The following SPOCK1 variants were observed in gnomAD, a reference collection of about 807,000 sequenced individuals.
SPOCK1 encodes the protein SPARC (osteonectin), cwcv and kazal like domains proteoglycan 1.
In SPOCK1, 23 loss-of-function variants were observed where a neutral mutation model predicts 55.3. That is an observed-to-expected ratio of 0.42 (90% CI 0.30 to 0.59). The LOEUF is 0.59. Ranked by LOEUF, SPOCK1 falls within the 20% of genes least tolerant of loss-of-function variation. SPOCK1 has a pLI of 0.22. For missense variants in SPOCK1, 499 were observed against 552.5 expected, an observed-to-expected ratio of 0.90 and a Z score of 0.97; for synonymous variants, 226 against 221.0, an observed-to-expected ratio of 1.02 and a Z score of -0.20.
intron 2 of SPOCK1, among the ~76,000 whole-genome samples, chr5:137,486,316 C>T (rs1754054223): frequency 6.6e-6 from 1 of 152,190 alleles, no homozygotes; most frequent in South Asian, 2.1e-4. Context: ...AGAGACATGG[C>T]CCTGGATCAC....
intron 3 of SPOCK1, among the ~76,000 whole-genome samples, chr5:137,242,233 A>G (rs1370447940): frequency 6.6e-6 from 1 of 151,922 alleles, no homozygotes; most frequent in East Asian, 1.9e-4. Flanking sequence ...CCCAAATCTC[A>G]TCTTGAATTG....
intron 2 of SPOCK1, among the ~76,000 whole-genome samples, chr5:137,466,835 G>C (rs533419807): frequency 6.6e-6 from 1 of 152,324 alleles, no homozygotes; most frequent in African/African-American, 2.4e-5. Context: ...AAAATAGTGA[G>C]CATTAATGAT....
chr5:137,012,828 G>GA lies in SPOCK1; in HGVS notation c.590-20229dup, dbSNP rs532353500. On this transcript the variant is annotated intron_variant, in intron 6 of 10. Coordinates refer to ENST00000394945, the MANE Select transcript of SPOCK1 (RefSeq NM_004598.4). ...TCTTACAACTATAAGGCTTATCATA[G>GA]AAAAAATAACCTAGAAATAATGTCT... 2.4e-4 allele frequency among the ~76,000 whole-genome samples: 37 copies of GA among 152,270 alleles called. No individual in the cohort carries two copies. The South Asian group carries it at 7.3e-3, about 30-fold the overall frequency.
At chr5:136,992,141 G>C (rs1750960176) in intron 7 of SPOCK1, among the ~76,000 whole-genome samples, 1 of 152,172 alleles carries the variant, frequency 6.6e-6, no homozygotes, top group Admixed American at 6.5e-5. Context: ...AACATGAAAA[G>C]ATAGTCACAT....
At chr5:137,403,892 GT>G (rs1051111308) in intron 2 of SPOCK1, among the ~76,000 whole-genome samples, 16 of 152,278 alleles carry the variant, frequency 1.1e-4, no homozygotes, top group Admixed American at 1.0e-3. Context: ...CCATAGCAAG[GT>G]TTGGAGCAGA....
intron 2 of SPOCK1, among the ~76,000 whole-genome samples, chr5:137,409,593 C>A (rs904707676): frequency 2.6e-5 from 4 of 152,152 alleles, no homozygotes; most frequent in African/African-American, 7.2e-5. Flanking sequence ...ATAAAATTAG[C>A]CTTAGCAGCA....
intron 3 of SPOCK1, 79 bp from the exon 4 acceptor site, chr5:137,140,773 T>TTC: frequency 1.1e-6 from 1 of 873,228 alleles, no homozygotes; most frequent in African/African-American, 2.3e-5. Flanking sequence ...TTTTTTTTTT[T>TTC]GTTGAGACGG....
chr5:137,356,838 T>TAGAGAGAGAGAGAGGGAGAGAGAG (rs1750825317), intron 2 of SPOCK1, among the ~76,000 whole-genome samples: 2 of 5,460 alleles, frequency 3.7e-4, no homozygotes, highest in African/African-American at 1.7e-3. Flanking sequence ...TATATATATA[T>TAGAGAGAGAGAGAGGGAGAGAGAG]AGAGAGAGAG....
chr5:137,382,418 C>G (rs1222988598), intron 2 of SPOCK1, among the ~76,000 whole-genome samples: 2 of 152,214 alleles, frequency 1.3e-5, no homozygotes, highest in Non-Finnish European at 2.9e-5. Context: ...GCCCCACTCT[C>G]CTGGTACCAA....
intron 6 of SPOCK1, among the ~76,000 whole-genome samples, chr5:137,043,910 G>A (rs568194954): frequency 1.3e-5 from 2 of 152,316 alleles, no homozygotes; most frequent in African/African-American, 2.4e-5. Flanking sequence ...TGATTATAAT[G>A]TATTGATATT....
intron 2 of SPOCK1, among the ~76,000 whole-genome samples, chr5:137,475,249 A>G (rs1753813073): frequency 6.6e-6 from 1 of 152,156 alleles, no homozygotes. Flanking sequence ...CAACAGGACA[A>G]CCTGCCTGAA....
chr5:137,421,931 G>A (rs1379507355), intron 2 of SPOCK1, among the ~76,000 whole-genome samples: 1 of 152,214 alleles, frequency 6.6e-6, no homozygotes, highest in Non-Finnish European at 1.5e-5. Context: ...TGCAGTGGCT[G>A]GTACCAGTTG....
chr5:136,993,539 A>G (rs1750988790), intron 6 of SPOCK1, among the ~76,000 whole-genome samples: 1 of 152,218 alleles, frequency 6.6e-6, no homozygotes, highest in African/African-American at 2.4e-5. Context: ...CTGGAGAGAC[A>G]GAAATGAAAG....
intron 6 of SPOCK1, among the ~76,000 whole-genome samples, chr5:136,998,522 C>A (rs1172933302): frequency 6.6e-6 from 1 of 152,194 alleles, no homozygotes; most frequent in Non-Finnish European, 1.5e-5. Flanking sequence ...GGACTTACTT[C>A]CTGGATATAT....
chr5:137,402,484 T>C (rs1043454127), intron 2 of SPOCK1, among the ~76,000 whole-genome samples: 2 of 152,218 alleles, frequency 1.3e-5, no homozygotes, highest in Non-Finnish European at 2.9e-5. Flanking sequence ...GCTGAGGCAA[T>C]AGTTGGCCTA....
At chr5:137,297,840 G>A (rs1283098501) in intron 2 of SPOCK1, among the ~76,000 whole-genome samples, 2 of 152,148 alleles carry the variant, frequency 1.3e-5, no homozygotes, top group Non-Finnish European at 2.9e-5. Flanking sequence ...TTAACAGAAG[G>A]AGGAAAATGA....
At chr5:136,996,359 A>G (rs1462462352) in intron 6 of SPOCK1, among the ~76,000 whole-genome samples, 3 of 152,224 alleles carry the variant, frequency 2.0e-5, no homozygotes, top group African/African-American at 7.2e-5. Context: ...CACTTGGGCT[A>G]CCAGCATCAG....
rs1233396744 is a variant in SPOCK1, at chr5:137,106,929, C to T, written c.474+5506G>A. ...GACAGTCACCAGTTCCTTCAAGGTGCCATGCTTTCTCTCACCTCTTCGACC... is the reference window on the plus strand; with the variant it reads ...GACAGTCACCAGTTCCTTCAAGGTGTCATGCTTTCTCTCACCTCTTCGACC... On this transcript the variant is annotated intron_variant, in intron 5 of 10. Transcript: ENST00000394945. Among the ~76,000 whole-genome samples, 10 of 152,248 alleles carry T rather than the reference C, an allele frequency of 6.6e-5. 1 individual carries two copies. In the Middle Eastern group the frequency reaches 0.02, roughly 311 times the overall value.
chr5:137,054,815 C>T (rs1752272242), intron 6 of SPOCK1, among the ~76,000 whole-genome samples: 1 of 152,092 alleles, frequency 6.6e-6, no homozygotes, highest in South Asian at 2.1e-4. Flanking sequence ...AATATTTACA[C>T]TTAGTGGTGA....
Sources: gnomAD v4.1 joint callset for allele counts (sites outside exome capture counted in the v4.1 genomes callset) on GRCh38, gnomAD v4.1.1 for gene constraint, MANE v1.5 for transcripts, NCBI Gene and HGNC (gene_info 2026-07-23, HGNC 2026-07-21) for gene names.